SLCO3A1: variants seen among roughly 807,000 people sequenced by gnomAD.
The protein encoded by SLCO3A1 is PGE1 transporter.
Under a neutral mutation model 63.1 loss-of-function variants are expected in SLCO3A1, and 27 were observed. The observed-to-expected ratio is 0.43, with a 90% CI of 0.32 to 0.59. The LOEUF is 0.59. Ranked by LOEUF, SLCO3A1 falls within the 20% of genes least tolerant of loss-of-function variation. SLCO3A1 has a pLI of 0.09. For missense variants in SLCO3A1, 773 were observed against 945.8 expected (o/e 0.82, Z 2.40); for synonymous variants, 473 against 409.9 (o/e 1.15, Z -1.86).
chr15:91,926,607 A>ACGCGCGTG (rs150359710), intron 2 of SLCO3A1, among the ~76,000 whole-genome samples: 2 of 135,582 alleles, frequency 1.5e-5, no homozygotes, highest in South Asian at 2.2e-4. Context: ...GCGCGCGCGC[A>ACGCGCGTG]CGCCCATGCT....
chr15:91,949,099 C>G (rs1899909814), intron 2 of SLCO3A1, among the ~76,000 whole-genome samples: 1 of 152,112 alleles, frequency 6.6e-6, no homozygotes, highest in Non-Finnish European at 1.5e-5. Context: ...ATGCAGGTAT[C>G]TAGGTGTGGT....
In SLCO3A1 at chr15:92,165,510, A is replaced by G. The variant is rs1182632396; in HGVS notation, c.*2375A>G. The stretch of plus-strand genomic sequence containing the variant: ...GGAACTATTTGCTTTGAGAGAAAAA[A>G]AAAAGAAAGTTTTTTAAACTCTTTG... On this transcript the variant is annotated 3_prime_UTR_variant, in exon 10 of 10. Coordinates refer to ENST00000318445, the MANE Select transcript of SLCO3A1 (RefSeq NM_013272.4). The G allele has an allele frequency of 1.0e-5, 10 of 981,920 alleles. No individual in the cohort carries two copies. The highest frequency in any genetic ancestry group is 1.2e-5 in the Non-Finnish European group (10 of 828,682). The allele number at this position is 981,920 out of a possible 1,614,324, so 60.8% of individuals were successfully genotyped here. A position where few individuals can be genotyped will look rare whatever the true frequency, so the allele number is the denominator to read the frequency against.
At chr15:92,055,008 G>A (rs2047004954) in intron 2 of SLCO3A1, among the ~76,000 whole-genome samples, 1 of 152,108 alleles carries the variant, frequency 6.6e-6, no homozygotes, top group Non-Finnish European at 1.5e-5. Context: ...CTGGTTCTAG[G>A]TCTTTGAGGA....
At chr15:92,132,482 C>G (rs1006933692) in intron 7 of SLCO3A1, among the ~76,000 whole-genome samples, 2 of 144,992 alleles carry the variant, frequency 1.4e-5, no homozygotes, top group Non-Finnish European at 3.1e-5. Context: ...TGTAAATTTC[C>G]TTTGGCGTGA....
chr15:91,934,591 A>T (rs1189179421), intron 2 of SLCO3A1, among the ~76,000 whole-genome samples: 6 of 152,244 alleles, frequency 3.9e-5, no homozygotes, highest in Non-Finnish European at 5.9e-5. Flanking sequence ...TAGCAAAAAG[A>T]GTCAACTCTT....
chr15:91,891,792 G>A (rs1897877220), intron 1 of SLCO3A1, among the ~76,000 whole-genome samples: 1 of 152,150 alleles, frequency 6.6e-6, no homozygotes, highest in Non-Finnish European at 1.5e-5. Context: ...TCTGCATCAG[G>A]GTTTGGGAAA....
rs1461533230 is a variant in SLCO3A1, at chr15:91,948,165, G to A, written c.646+31707G>A. Among the ~76,000 whole-genome samples, 1 of 152,182 alleles carries A rather than the reference G, an allele frequency of 6.6e-6. No homozygotes were observed. Among genetic ancestry groups the A allele is most frequent in the East Asian group, 1.9e-4 (1 of 5,188 alleles). ...AAGTGGGTGGAAGCCCTGGCCCTTT[G>A]TTACCTGCCCTTTGTTTCAGTGCCA... On this transcript the variant is annotated intron_variant, in intron 2 of 9. Coordinates refer to ENST00000318445, the MANE Select transcript of SLCO3A1 (RefSeq NM_013272.4). The surrounding 1 kb of genome is among the most constrained non-coding windows in gnomAD (Gnocchi z 4.8).
At chr15:92,010,631 C>T (rs1261265505) in intron 2 of SLCO3A1, among the ~76,000 whole-genome samples, 1 of 152,116 alleles carries the variant, frequency 6.6e-6, no homozygotes, top group Non-Finnish European at 1.5e-5. Flanking sequence ...AAACAAAATT[C>T]ATTTAAATTT....
At chr15:92,095,182 A>T (rs1473276124) in intron 3 of SLCO3A1, among the ~76,000 whole-genome samples, 1 of 152,222 alleles carries the variant, frequency 6.6e-6, no homozygotes, top group Non-Finnish European at 1.5e-5. Flanking sequence ...GGTTCTGCCA[A>T]CATCTACCTA....
At chr15:91,924,158 GTCACAATCT>G (rs1898936492) in intron 2 of SLCO3A1, among the ~76,000 whole-genome samples, 1 of 152,202 alleles carries the variant, frequency 6.6e-6, no homozygotes, top group Non-Finnish European at 1.5e-5. Flanking sequence ...CTGCTCAGGG[GTCACAATCT>G]TAAGTGCTGA....
chr15:92,015,432 A>G (rs12904266), intron 2 of SLCO3A1, among the ~76,000 whole-genome samples: 46,842 of 151,866 alleles, frequency 0.31, 7,438 homozygotes, highest in Admixed American at 0.38. Flanking sequence ...GGGAACTGCC[A>G]CTTCTAAACT....
chr15:92,111,932 C>T (rs1297327196), intron 4 of SLCO3A1, among the ~76,000 whole-genome samples: 2 of 152,350 alleles, frequency 1.3e-5, no homozygotes, highest in African/African-American at 2.4e-5. Context: ...GTTTGATCCT[C>T]TCTGAGATTC....
In SLCO3A1 at chr15:92,050,437, C is replaced by T. The variant is rs183536637; in HGVS notation, c.647-44444C>T. Among the ~76,000 whole-genome samples the T allele has an allele frequency of 4.6e-5, 7 of 152,332 alleles. No homozygotes were observed. In the East Asian group the frequency reaches 1.2e-3, roughly 25 times the overall value. On this transcript the variant is annotated intron_variant, in intron 2 of 9. Coordinates refer to ENST00000318445, the MANE Select transcript of SLCO3A1 (RefSeq NM_013272.4). ...GATGTTGTCACAGAGTCCCTGCACA[C>T]GGAGGCACGGTGCCACCATCCAGAG...
At chr15:91,914,796 TC>T (rs1898600647) in intron 1 of SLCO3A1, among the ~76,000 whole-genome samples, 1 of 152,178 alleles carries the variant, frequency 6.6e-6, no homozygotes, top group Non-Finnish European at 1.5e-5. Context: ...GGTCTCGAAC[TC>T]CTGGCCTCAA....
chr15:91,874,965 A>C (rs1382083404), intron 1 of SLCO3A1, among the ~76,000 whole-genome samples: 1 of 152,194 alleles, frequency 6.6e-6, no homozygotes, highest in East Asian at 1.9e-4. Context: ...TTTCAAGTAC[A>C]TTGTATTAAA....
chr15:92,117,800 C>G (rs1286167090), intron 4 of SLCO3A1, among the ~76,000 whole-genome samples: 1 of 152,194 alleles, frequency 6.6e-6, no homozygotes, highest in East Asian at 1.9e-4. Flanking sequence ...GGCTTCTGTA[C>G]ATGAAGATAA....
intron 2 of SLCO3A1, among the ~76,000 whole-genome samples, chr15:91,975,736 C>T (rs1354360486): frequency 6.6e-6 from 1 of 152,220 alleles, no homozygotes; most frequent in Non-Finnish European, 1.5e-5. Context: ...CTGACCTGTT[C>T]CTATAACTAT....
chr15:92,108,869 A>G (rs1329984995), intron 4 of SLCO3A1, among the ~76,000 whole-genome samples: 1 of 152,114 alleles, frequency 6.6e-6, no homozygotes, highest in East Asian at 1.9e-4. Flanking sequence ...ACCCGGTGCT[A>G]GGTTAGCTGC....
In SLCO3A1 at chr15:92,146,269, C is replaced by T. The variant is rs987226262; in HGVS notation, c.1513-715C>T. 5.9e-5 allele frequency among the ~76,000 whole-genome samples: 9 copies of T among 152,218 alleles called. 1 individual carries two copies. Among genetic ancestry groups the T allele is most frequent in the Admixed American group, 5.9e-4 (9 of 15,284 alleles). ...GGGAGAGGACCCTGTCTGCAACAGG[C>T]AGCTGGGCTAGAATCCACCCCGAAG... On this transcript the variant is annotated intron_variant, in intron 7 of 9. Transcript: ENST00000318445.
Sources: gnomAD v4.1 joint callset for allele counts (sites outside exome capture counted in the v4.1 genomes callset) on GRCh38, gnomAD v4.1.1 for gene constraint, Gnocchi (gnomAD v3.1) non-coding constraint, MANE v1.5 for transcripts, NCBI Gene and HGNC (gene_info 2026-07-23, HGNC 2026-07-21) for gene names.